The following SH2D4B variants were observed in gnomAD, a reference collection of about 807,000 sequenced individuals.
SH2D4B encodes the protein SH2 domain containing 4B, also known as SH2 domain-containing protein 4B.
SH2D4B carries 45 observed loss-of-function variants against 61.5 expected under a neutral mutation model. That is an observed-to-expected ratio of 0.73 (90% CI 0.58 to 0.94). The LOEUF (loss-of-function observed/expected upper bound fraction) is 0.94, where lower values mean the gene tolerates loss of function less well. SH2D4B is among the 40% of genes least tolerant of loss of function. SH2D4B has a pLI of 0.00. For synonymous variants in SH2D4B, 224 were observed against 220.4 expected (o/e 1.02, Z -0.14); for missense variants, 572 against 574.2 (o/e 1.00, Z 0.04).
chr10:80,634,529 G>T lies in SH2D4B; in HGVS notation c.1209+24G>T, dbSNP rs550381388. On this transcript the variant is annotated intron_variant, in intron 7 of 7. Transcript: ENST00000646907. ...AGGTATCCCTCACAGGGATACTAAT[G>T]GGGGGGAGGGGGAACTGGTGGAAAT... 194 of 1,543,520 alleles carry T rather than the reference G, an allele frequency of 1.3e-4. No individual in the cohort carries two copies. In the African/African-American group the frequency reaches 1.8e-3, roughly 14 times the overall value.
intron 4 of SH2D4B, among the ~76,000 whole-genome samples, chr10:80,590,537 C>T (rs984488977): frequency 6.6e-6 from 1 of 152,076 alleles, no homozygotes; most frequent in African/African-American, 2.4e-5. Flanking sequence ...GCTAGTGACG[C>T]GATCTGGCAG....
chr10:80,581,152 G>A (rs986061056), intron 3 of SH2D4B, among the ~76,000 whole-genome samples: 3 of 152,192 alleles, frequency 2.0e-5, no homozygotes, highest in African/African-American at 7.2e-5. Context: ...GGCGGTTGCT[G>A]TAGGCCTCTG....
chr10:80,566,305 T>C (rs1841968351), intron 1 of SH2D4B, among the ~76,000 whole-genome samples: 1 of 150,094 alleles, frequency 6.7e-6, no homozygotes, highest in South Asian at 2.1e-4. Flanking sequence ...TTCTTTTTTT[T>C]TTTTTTTTGA....
In SH2D4B at chr10:80,572,063, C is replaced by T. The variant is rs1476057017; in HGVS notation, c.495+485C>T. On this transcript the variant is annotated intron_variant, in intron 3 of 7. Coordinates refer to ENST00000646907, the MANE Select transcript of SH2D4B (RefSeq NM_001388272.1). ...CTGGGATTACAGGCGTGAGCCACTG[C>T]GCCCGGCCGGGCCAATCCACTTCTT... 6.6e-5 allele frequency among the ~76,000 whole-genome samples: 10 copies of T among 152,032 alleles called. No homozygotes were observed. The East Asian group carries it at 1.6e-3, about 24-fold the overall frequency.
chr10:80,547,613 G>A (rs1325997147), intron 1 of SH2D4B, among the ~76,000 whole-genome samples: 2 of 152,152 alleles, frequency 1.3e-5, no homozygotes, highest in African/African-American at 2.4e-5. Flanking sequence ...CCTCCCTGGT[G>A]TCTCTTCGTG....
intron 6 of SH2D4B, among the ~76,000 whole-genome samples, chr10:80,613,042 G>C (rs577087560): frequency 6.6e-6 from 1 of 152,320 alleles, no homozygotes; most frequent in South Asian, 2.1e-4. Flanking sequence ...TGTGTTTCCT[G>C]ATGTTTCCTG....
intron 5 of SH2D4B, among the ~76,000 whole-genome samples, chr10:80,605,909 G>A (rs757491300): frequency 1.2e-4 from 19 of 152,202 alleles, no homozygotes; most frequent in Admixed American, 6.5e-5. Context: ...TGTCCCTCAG[G>A]CCCATTTGAT....
chr10:80,642,144 T>C (rs1265356579), intron 7 of SH2D4B, among the ~76,000 whole-genome samples: 2 of 152,108 alleles, frequency 1.3e-5, no homozygotes, highest in East Asian at 3.9e-4. Context: ...TAGGCTGGAG[T>C]GCAGTGGTGC....
chr10:80,603,873 G>A lies in SH2D4B; in HGVS notation c.860+78G>A, dbSNP rs547708443. 1.4e-5 allele frequency: 18 copies of A among 1,320,836 alleles called. 1 individual carries two copies. The highest frequency in any genetic ancestry group is 2.6e-4 in the Middle Eastern group (1 of 3,840). The allele number at this position is 1,320,836 out of a possible 1,614,324, so 81.8% of individuals were successfully genotyped here. On this transcript the variant is annotated intron_variant, in intron 5 of 7. Coordinates refer to ENST00000646907, the MANE Select transcript of SH2D4B (RefSeq NM_001388272.1). ...CATGGGACACCGGGGTCCCCGTCCCGGGTCTGCCCCAGATTTGCTGTGTAG... is the reference window on the plus strand; with the variant it reads ...CATGGGACACCGGGGTCCCCGTCCCAGGTCTGCCCCAGATTTGCTGTGTAG...
intron 1 of SH2D4B, among the ~76,000 whole-genome samples, chr10:80,565,138 G>A (rs1728457495): frequency 6.6e-6 from 1 of 152,204 alleles, no homozygotes; most frequent in South Asian, 2.1e-4. Context: ...GTTGTTACAG[G>A]CTGATACTCC....
At chr10:80,571,776 C>CTTT (rs11394733) in intron 3 of SH2D4B, among the ~76,000 whole-genome samples, 198 bp downstream of exon 3, 1 of 135,632 alleles carries the variant, frequency 7.4e-6, no homozygotes, top group Admixed American at 7.5e-5. Context: ...TTTTTTTTTT[C>CTTT]TTTTTTTTTT....
At chr10:80,580,572 G>A (rs1027039731) in intron 3 of SH2D4B, among the ~76,000 whole-genome samples, 10 of 152,192 alleles carry the variant, frequency 6.6e-5, no homozygotes, top group African/African-American at 2.2e-4. Context: ...GGTGGTTACT[G>A]AGGCAAGTCT....
chr10:80,573,347 A>T (rs990532759), intron 3 of SH2D4B, among the ~76,000 whole-genome samples: 5 of 151,644 alleles, frequency 3.3e-5, no homozygotes, highest in Non-Finnish European at 7.4e-5. Flanking sequence ...GTATGTTCAG[A>T]TGTACATAGG....
At chr10:80,564,659 T>G (rs940901789) in intron 1 of SH2D4B, among the ~76,000 whole-genome samples, 7 of 152,252 alleles carry the variant, frequency 4.6e-5, no homozygotes, top group Non-Finnish European at 1.0e-4. Context: ...TCAAAAAGTT[T>G]ATTTCTTAGT....
At chr10:80,640,721 C>T (rs563897967) in intron 7 of SH2D4B, among the ~76,000 whole-genome samples, 14 of 152,234 alleles carry the variant, frequency 9.2e-5, no homozygotes, top group East Asian at 5.8e-4. Flanking sequence ...AGCTTCCTTG[C>T]GATGGGTTCA....
Position 80,646,252 on chromosome 10 carries a change from C to G in SH2D4B, c.*2167C>G, listed in dbSNP as rs1840394095. 6.6e-6 allele frequency: 1 copy of G among 152,592 alleles called. No homozygotes were observed. Among genetic ancestry groups the G allele is most frequent in the Non-Finnish European group, 1.5e-5 (1 of 68,022 alleles). 9.5% of individuals were successfully genotyped at this position (152,592 alleles called of 1,614,324 possible). A position where few individuals can be genotyped will look rare whatever the true frequency, so the allele number is the denominator to read the frequency against. On this transcript the variant is annotated 3_prime_UTR_variant, in exon 8 of 8. Coordinates refer to ENST00000646907, the MANE Select transcript of SH2D4B (RefSeq NM_001388272.1). ...CAAGGTGTTGGAGGCAACTTCTGTT[C>G]CAAGAACTCCCAGCAGCTTTGAAAG...
chr10:80,554,870 G>A (rs561623807), intron 1 of SH2D4B, among the ~76,000 whole-genome samples: 2 of 152,084 alleles, frequency 1.3e-5, no homozygotes, highest in East Asian at 1.9e-4. Context: ...TTAGCCGGGC[G>A]TAGTGGTGGG....
chr10:80,548,809 T>C (rs531781967), intron 1 of SH2D4B, among the ~76,000 whole-genome samples: 1 of 152,322 alleles, frequency 6.6e-6, no homozygotes, highest in East Asian at 1.9e-4. Context: ...CATCACTGTC[T>C]AGCCAACCTC....
intron 6 of SH2D4B, among the ~76,000 whole-genome samples, chr10:80,625,020 C>T (rs1378224736): frequency 1.3e-5 from 2 of 152,162 alleles, no homozygotes; most frequent in African/African-American, 4.8e-5. Flanking sequence ...CAGATATGAT[C>T]CCTATGCTGA....
Sources: allele counts gnomAD v4.1 joint callset (sites outside exome capture counted in the v4.1 genomes callset), GRCh38; gene constraint gnomAD v4.1.1; transcripts MANE v1.5; gene names NCBI Gene and HGNC (gene_info 2026-07-23, HGNC 2026-07-21).